ACP3: variants seen among roughly 807,000 people sequenced by gnomAD.
The protein encoded by ACP3 is prostatic acid phosphatase.
Under a neutral mutation model 45.6 loss-of-function variants are expected in ACP3, and 38 were observed. That is an observed-to-expected ratio of 0.83 (90% CI 0.64 to 1.09). ACP3 has a LOEUF of 1.09. ACP3 is among the 50% of genes least tolerant of loss of function. ACP3 has a pLI of 0.00. For synonymous variants in ACP3, 162 were observed against 164.7 expected (o/e 0.98, Z 0.13); for missense variants, 466 against 463.2 (o/e 1.01, Z -0.05).
chr3:132,325,595 A>AACACACACACACACAC (rs138017217), intron 1 of ACP3, among the ~76,000 whole-genome samples: 39,175 of 143,396 alleles, frequency 0.27, 5,583 homozygotes, highest in Admixed American at 0.36. Context: ...TCTGATACAA[A>AACACACACACACACAC]ACACACACAC....
Position 132,355,982 on chromosome 3 carries a change from C to G in ACP3, c.969-704C>G, listed in dbSNP as rs1478723127. On this transcript the variant is annotated intron_variant, in intron 9 of 9. Coordinates refer to ENST00000336375, the MANE Select transcript of ACP3 (RefSeq NM_001099.5). ...GTTCCCCTCCTGACTCCTTGATTAG[C>G]AAATGGCTTCCATAAGCAACTCACG... is the stretch of plus-strand genomic sequence containing the variant. Among the ~76,000 whole-genome samples the G allele has an allele frequency of 2.0e-5, 3 of 152,154 alleles. No individual in the cohort carries two copies. In the East Asian group the frequency reaches 5.8e-4, roughly 29 times the overall value.
chr3:132,344,911 T>C lies in ACP3; in HGVS notation c.649-16T>C, dbSNP rs761510622. ...ATAAATACACATACATTTTTCTTCC[T>C]TTTTCTTTGCTACAGAGTGTTCACA... On this transcript the variant is annotated splice_polypyrimidine_tract_variant and intron_variant, in intron 6 of 9. Coordinates refer to ENST00000336375, the MANE Select transcript of ACP3 (RefSeq NM_001099.5). The C allele has an allele frequency of 1.1e-5, 17 of 1,611,164 alleles. No homozygotes were observed. The highest frequency in any genetic ancestry group is 1.0e-4 in the Admixed American group (6 of 59,612).
chr3:132,352,447 C>G (rs1290656043), intron 8 of ACP3, among the ~76,000 whole-genome samples: 1 of 151,772 alleles, frequency 6.6e-6, no homozygotes, highest in African/African-American at 2.4e-5. Context: ...ATCCACCTGC[C>G]TCGGGCTCCC....
chr3:132,357,477 T>A lies in ACP3; in HGVS notation c.*599T>A. On this transcript the variant is annotated 3_prime_UTR_variant, in exon 10 of 10. Transcript: ENST00000336375. ...ATCTGTTTTTATATTTCTGTTAAAA[T>A]ATATGAGGCTACAGAACTAAAAATT... is the stretch of plus-strand genomic sequence containing the variant. The A allele has an allele frequency of 1.0e-6, 1 of 985,368 alleles. No individual in the cohort carries two copies. The highest frequency in any genetic ancestry group is 1.2e-6 in the Non-Finnish European group (1 of 829,862). 61.0% of individuals were successfully genotyped at this position (985,368 alleles called of 1,614,324 possible).
chr3:132,353,090 C>G (rs1937796980), intron 9 of ACP3, among the ~76,000 whole-genome samples: 1 of 152,088 alleles, frequency 6.6e-6, no homozygotes, highest in Non-Finnish European at 1.5e-5. Context: ...TTAAGGTATT[C>G]TAAGAAGTAG....
At chr3:132,337,738 C>T (rs1400630788) in intron 5 of ACP3, among the ~76,000 whole-genome samples, 184 bp downstream of exon 5, 5 of 152,178 alleles carry the variant, frequency 3.3e-5, no homozygotes, top group Admixed American at 3.3e-4. Flanking sequence ...GCTTCCCTTC[C>T]CCATACAGGG....
At chr3:132,353,441 T>C (rs938979810) in intron 9 of ACP3, among the ~76,000 whole-genome samples, 5 of 152,190 alleles carry the variant, frequency 3.3e-5, no homozygotes, top group Non-Finnish European at 7.4e-5. Flanking sequence ...TGGGGAAGAA[T>C]TGATTATCAC....
At chr3:132,356,608 G>T (rs1307673711) in intron 9 of ACP3, 78 bp from the exon 10 acceptor site, 1 of 1,605,592 alleles carries the variant, frequency 6.2e-7, no homozygotes, top group Non-Finnish European at 8.5e-7. Flanking sequence ...GCATGTAATA[G>T]TCCAAGTGGA....
At chr3:132,344,453 A>G (rs1937585701) in intron 6 of ACP3, among the ~76,000 whole-genome samples, 1 of 151,942 alleles carries the variant, frequency 6.6e-6, no homozygotes, top group Admixed American at 6.6e-5. Flanking sequence ...CTGAAAAAAA[A>G]AAAAGAAAAA....
chr3:132,354,294 C>A (rs1477261265), intron 9 of ACP3, among the ~76,000 whole-genome samples: 2 of 152,006 alleles, frequency 1.3e-5, no homozygotes, highest in East Asian at 3.9e-4. Context: ...GTTTCTGGAC[C>A]CCAGTGGTCC....
At chr3:132,324,630 A>AT (rs1321561892) in intron 1 of ACP3, among the ~76,000 whole-genome samples, 6 of 145,548 alleles carry the variant, frequency 4.1e-5, no homozygotes, top group Non-Finnish European at 7.4e-5. Context: ...GTAAGGAATT[A>AT]TTATTTTTTT....
chr3:132,330,047 T>C (rs960365182), intron 2 of ACP3, among the ~76,000 whole-genome samples: 3 of 151,636 alleles, frequency 2.0e-5, no homozygotes, highest in Admixed American at 6.6e-5. Flanking sequence ...GCCTCCCAAG[T>C]AGCTGGAACT....
chr3:132,351,581 T>C (rs1195352589), intron 8 of ACP3, among the ~76,000 whole-genome samples: 2 of 152,204 alleles, frequency 1.3e-5, no homozygotes, highest in Non-Finnish European at 2.9e-5. Context: ...ACTAGGGAAA[T>C]AGGCCTGGGC....
intron 1 of ACP3, among the ~76,000 whole-genome samples, chr3:132,320,452 A>C (rs1937185885): frequency 6.6e-6 from 1 of 152,032 alleles, no homozygotes; most frequent in African/African-American, 2.4e-5. Flanking sequence ...CCAGAAATAG[A>C]AAAATGTCAT....
intron 6 of ACP3, among the ~76,000 whole-genome samples, chr3:132,343,461 G>A (rs1262824665): frequency 6.6e-6 from 1 of 152,180 alleles, no homozygotes; most frequent in East Asian, 1.9e-4. Flanking sequence ...CTATTTCAGT[G>A]AAAATTCATT....
At chr3:132,318,038 C>T (rs1258196839) in intron 1 of ACP3, among the ~76,000 whole-genome samples, 1 of 152,154 alleles carries the variant, frequency 6.6e-6, no homozygotes, top group African/African-American at 2.4e-5. Context: ...TTGTAAACAA[C>T]CTTGAAGCAT....
chr3:132,343,192 T>C (rs960457538), intron 6 of ACP3, among the ~76,000 whole-genome samples: 1 of 152,226 alleles, frequency 6.6e-6, no homozygotes, highest in Non-Finnish European at 1.5e-5. Context: ...TCACTCACCA[T>C]GCTCCACCTT....
chr3:132,351,341 G>T (rs1011425502), intron 8 of ACP3, among the ~76,000 whole-genome samples: 1 of 152,180 alleles, frequency 6.6e-6, no homozygotes, highest in African/African-American at 2.4e-5. Context: ...CAGTGTTTGG[G>T]GAAAATTCTG....
rs933519091 is a variant in ACP3, at chr3:132,317,811, T to C, written c.120+235T>C. Among the ~76,000 whole-genome samples, 13 of 152,264 alleles carry C rather than the reference T, an allele frequency of 8.5e-5. No individual in the cohort carries two copies. In the South Asian group the frequency reaches 1.2e-3, roughly 15 times the overall value. On this transcript the variant is annotated intron_variant, in intron 1 of 9. Coordinates refer to ENST00000336375, the MANE Select transcript of ACP3 (RefSeq NM_001099.5). ...TTAGGGGTTGCTTTTTATTTGCTTTTGCTGATGTTATTTATTTACTTACTT... is the reference window on the plus strand; with the variant it reads ...TTAGGGGTTGCTTTTTATTTGCTTTCGCTGATGTTATTTATTTACTTACTT...
Sources: gnomAD v4.1 joint callset for allele counts (sites outside exome capture counted in the v4.1 genomes callset) on GRCh38, gnomAD v4.1.1 for gene constraint, MANE v1.5 for transcripts, NCBI Gene and HGNC (gene_info 2026-07-23, HGNC 2026-07-21) for gene names.